Variants in IQCJ observed in about 807,000 individuals in gnomAD.
The protein encoded by IQCJ is IQ motif containing J, also known as IQ domain-containing protein J.
A neutral mutation model predicts 11.0 loss-of-function variants in IQCJ; 9 were observed. That is an observed-to-expected ratio of 0.82 (90% CI 0.49 to 1.43). The LOEUF (loss-of-function observed/expected upper bound fraction) is 1.43, where lower values mean the gene tolerates loss of function less well. IQCJ is among the 40% of genes most tolerant of loss of function. The pLI, the probability that IQCJ is intolerant of heterozygous loss-of-function variation, is 0.00. For missense variants in IQCJ, 146 were observed against 133.2 expected (o/e 1.10, Z -0.47); for synonymous variants, 55 against 51.3 (o/e 1.07, Z -0.31).
At chr3:159,189,738 C>T (rs1464489210) in intron 1 of IQCJ, among the ~76,000 whole-genome samples, 3 of 152,180 alleles carry the variant, frequency 2.0e-5, no homozygotes, top group African/African-American at 7.2e-5. Context: ...GGCAGAGAGG[C>T]CGTCACTAGT....
chr3:159,147,855 A>G (rs1875381), intron 1 of IQCJ, among the ~76,000 whole-genome samples: 43,343 of 152,160 alleles, frequency 0.28, 7,218 homozygotes, highest in Non-Finnish European at 0.39. Flanking sequence ...TTTCAAGGAT[A>G]CTAACTACAG....
rs3051445 is a variant in IQCJ at position 159,109,527 on chromosome 3, T to TAAAAAAAA, written c.9+40098_9+40105dup. Among the ~76,000 whole-genome samples, 243 of 122,584 alleles carry TAAAAAAAA rather than the reference T, an allele frequency of 2.0e-3. 2 individuals carry two copies. Among genetic ancestry groups the TAAAAAAAA allele is most frequent in the South Asian group, 6.9e-3 (23 of 3,324 alleles). The allele number at this position is 122,584 out of a possible 152,430, so 80.4% of individuals were successfully genotyped here. A position where few individuals can be genotyped will look rare whatever the true frequency, so the allele number is the denominator to read the frequency against. ...GTAGAGTAGCCTTACTTGTATTAACTAAAAAAAAAAAAAAAAAAACCAGTT... is the reference window on the plus strand; with the variant it reads ...GTAGAGTAGCCTTACTTGTATTAACTAAAAAAAAAAAAAAAAAAAAAAAAAAACCAGTT... On this transcript the variant is annotated intron_variant, in intron 1 of 3. Coordinates refer to ENST00000397832, the MANE Select transcript of IQCJ (RefSeq NM_001042706.3).
In IQCJ at chr3:159,101,143, C is replaced by T. The variant is rs1048123798; in HGVS notation, c.9+31702C>T. Among the ~76,000 whole-genome samples the T allele has an allele frequency of 8.3e-5, 12 of 144,152 alleles. 1 individual carries two copies. The highest frequency in any genetic ancestry group is 6.1e-5 in the Non-Finnish European group (4 of 66,110). 94.6% of individuals were successfully genotyped at this position (144,152 alleles called of 152,430 possible). A position where few individuals can be genotyped will look rare whatever the true frequency, so the allele number is the denominator to read the frequency against. On this transcript the variant is annotated intron_variant, in intron 1 of 3. Transcript: ENST00000397832. Reference sequence around the variant, plus strand: ...AGTGACCCGATTTTCCAGGTGCGTCCGTCACCCCTTTCTTTGACTCGGAAA... The same window carrying T: ...AGTGACCCGATTTTCCAGGTGCGTCTGTCACCCCTTTCTTTGACTCGGAAA...
intron 1 of IQCJ, among the ~76,000 whole-genome samples, chr3:159,095,696 A>T (rs1227779391): frequency 7.2e-5 from 2 of 27,674 alleles, no homozygotes; most frequent in African/African-American, 1.6e-4. Flanking sequence ...ATATGAACTC[A>T]TCATTTTTTA....
At chr3:159,211,203 C>A (rs986504177) in intron 1 of IQCJ, among the ~76,000 whole-genome samples, 2 of 152,050 alleles carry the variant, frequency 1.3e-5, no homozygotes, top group South Asian at 4.2e-4. Flanking sequence ...AAAAAATGAT[C>A]GTTTCTGGGT....
chr3:159,123,333 A>G (rs1719490811), intron 1 of IQCJ, among the ~76,000 whole-genome samples: 1 of 152,130 alleles, frequency 6.6e-6, no homozygotes, highest in Non-Finnish European at 1.5e-5. Flanking sequence ...ACCCTGCTAC[A>G]GTCATGGCCT....
chr3:159,110,507 CCAGA>C (rs1718558239), intron 1 of IQCJ, among the ~76,000 whole-genome samples: 1 of 152,130 alleles, frequency 6.6e-6, no homozygotes, highest in African/African-American at 2.4e-5. Flanking sequence ...CATGTCCAAC[CCAGA>C]CACAATGATT....
At chr3:159,253,097 G>A (rs1432886860) in intron 3 of IQCJ, among the ~76,000 whole-genome samples, 1 of 151,838 alleles carries the variant, frequency 6.6e-6, no homozygotes, top group Non-Finnish European at 1.5e-5. Context: ...TTTGCCTTTC[G>A]TCTTAGTAAC....
intron 1 of IQCJ, among the ~76,000 whole-genome samples, chr3:159,104,299 G>C (rs1261215780): frequency 6.6e-6 from 1 of 152,140 alleles, no homozygotes; most frequent in Non-Finnish European, 1.5e-5. Context: ...GTCCATGCAA[G>C]GTCCCTCTCT....
intron 2 of IQCJ, among the ~76,000 whole-genome samples, chr3:159,252,288 A>C (rs552259653): frequency 2.0e-5 from 3 of 152,176 alleles, no homozygotes; most frequent in Non-Finnish European, 2.9e-5. Flanking sequence ...TTCCCAGTGG[A>C]AGCCCTGAAA....
intron 1 of IQCJ, among the ~76,000 whole-genome samples, chr3:159,205,847 C>T (rs1724629238): frequency 6.6e-6 from 1 of 152,144 alleles, no homozygotes; most frequent in East Asian, 1.9e-4. Flanking sequence ...TTATAAAATG[C>T]TTCAAGTTTC....
chr3:159,238,800 G>A (rs1726742337), intron 1 of IQCJ, among the ~76,000 whole-genome samples: 1 of 152,120 alleles, frequency 6.6e-6, no homozygotes, highest in Non-Finnish European at 1.5e-5. Flanking sequence ...GTGAGTTCTG[G>A]GATTTTGTTA....
intron 3 of IQCJ, among the ~76,000 whole-genome samples, chr3:159,257,266 T>C (rs1727947853): frequency 1.3e-5 from 2 of 152,300 alleles, no homozygotes; most frequent in Non-Finnish European, 2.9e-5. Context: ...TACTCTTCTT[T>C]TTGGATGTTT....
intron 1 of IQCJ, among the ~76,000 whole-genome samples, chr3:159,123,043 T>C (rs1263399816): frequency 1.3e-5 from 2 of 152,148 alleles, no homozygotes; most frequent in East Asian, 3.8e-4. Flanking sequence ...AACTAGAATT[T>C]TCCCTTCTTT....
intron 1 of IQCJ, among the ~76,000 whole-genome samples, chr3:159,241,614 A>G (rs1436262817): frequency 1.3e-5 from 2 of 152,108 alleles, no homozygotes; most frequent in Non-Finnish European, 2.9e-5. Flanking sequence ...AGATGCAAAT[A>G]CTTCTGTCAC....
chr3:159,207,726 GT>G (rs1470732537), intron 1 of IQCJ, among the ~76,000 whole-genome samples: 1 of 152,168 alleles, frequency 6.6e-6, no homozygotes, highest in East Asian at 1.9e-4. Context: ...CTAGAAAGTT[GT>G]TTTAAGAAGA....
chr3:159,230,454 C>T (rs1157313582), intron 1 of IQCJ, among the ~76,000 whole-genome samples: 1 of 152,074 alleles, frequency 6.6e-6, no homozygotes, highest in African/African-American at 2.4e-5. Flanking sequence ...ATGCTGGATG[C>T]TAAAATTTAT....
chr3:159,129,042 C>G (rs1475044112), intron 1 of IQCJ, among the ~76,000 whole-genome samples: 1 of 151,140 alleles, frequency 6.6e-6, no homozygotes, highest in Non-Finnish European at 1.5e-5. Flanking sequence ...ACACGTTCAA[C>G]AACAACAATA....
At chr3:159,230,359 C>T (rs1210306774) in intron 1 of IQCJ, among the ~76,000 whole-genome samples, 1 of 152,118 alleles carries the variant, frequency 6.6e-6, no homozygotes, top group Non-Finnish European at 1.5e-5. Flanking sequence ...CATACAAGTG[C>T]ATGTGTCTTT....
Sources: gnomAD v4.1 joint callset for allele counts (sites outside exome capture counted in the v4.1 genomes callset) on GRCh38, gnomAD v4.1.1 for gene constraint, MANE v1.5 for transcripts, NCBI Gene and HGNC (gene_info 2026-07-23, HGNC 2026-07-21) for gene names.